The following SLCO1A2 variants were observed in gnomAD, a reference collection of about 807,000 sequenced individuals.
SLCO1A2 encodes the protein OATP-1.
A neutral mutation model predicts 69.0 loss-of-function variants in SLCO1A2; 67 were observed. That is an observed-to-expected ratio of 0.97 (90% CI 0.80 to 1.19). The LOEUF is 1.19. Ranked by LOEUF, SLCO1A2 falls within the 50% of genes most tolerant of loss-of-function variation. The pLI, the probability that SLCO1A2 is intolerant of heterozygous loss-of-function variation, is 0.00. For synonymous variants in SLCO1A2, 260 were observed against 265.9 expected (o/e 0.98, Z 0.22); for missense variants, 787 against 793.7 (o/e 0.99, Z 0.10).
At chr12:21,374,181 A>ATG (rs1940014057) in intron 2 of SLCO1A2, among the ~76,000 whole-genome samples, 1 of 152,212 alleles carries the variant, frequency 6.6e-6, no homozygotes, top group African/African-American at 2.4e-5. Context: ...AATTAAGGAC[A>ATG]TCTAACAACT....
chr12:21,332,927 T>C (rs1017380307), intron 2 of SLCO1A2, among the ~76,000 whole-genome samples: 3 of 152,076 alleles, frequency 2.0e-5, no homozygotes, highest in Non-Finnish European at 2.9e-5. Flanking sequence ...TTGTGAGACC[T>C]AAATAGAAAT....
At chr12:21,312,253 C>T (rs1216496861) in intron 4 of SLCO1A2, among the ~76,000 whole-genome samples, 1 of 152,216 alleles carries the variant, frequency 6.6e-6, no homozygotes, top group African/African-American at 2.4e-5. Context: ...AAGACAGCTT[C>T]TTTCCTTAAA....
chr12:21,278,469 G>A (rs1448451357), intron 12 of SLCO1A2, among the ~76,000 whole-genome samples: 1 of 152,132 alleles, frequency 6.6e-6, no homozygotes, highest in Non-Finnish European at 1.5e-5. Flanking sequence ...ATCTAACCCA[G>A]CACAGTCCCA....
chr12:21,326,613 A>G (rs969460977), intron 2 of SLCO1A2, among the ~76,000 whole-genome samples: 2 of 152,154 alleles, frequency 1.3e-5, no homozygotes, highest in African/African-American at 4.8e-5. Flanking sequence ...TGGGAACTGG[A>G]GCAAAGGTGA....
chr12:21,410,939 CTT>C (rs1441641411), intron 1 of SLCO1A2, among the ~76,000 whole-genome samples: 1 of 152,086 alleles, frequency 6.6e-6, no homozygotes, highest in Non-Finnish European at 1.5e-5. Context: ...TATTTGTCCT[CTT>C]TTTATTAACG....
chr12:21,282,783 T>G lies in SLCO1A2; in HGVS notation c.1611-7359A>C, dbSNP rs189571917. The stretch of plus-strand genomic sequence containing the variant: ...CAACATAAAAAATCAGTAGTGTTTG[T>G]ATATGCCAACAGCAAACAGTCTAAA... On this transcript the variant is annotated intron_variant, in intron 12 of 14. Coordinates refer to ENST00000683939, the MANE Select transcript of SLCO1A2 (RefSeq NM_001386879.1). 2.6e-5 allele frequency among the ~76,000 whole-genome samples: 4 copies of G among 152,216 alleles called. No individual in the cohort carries two copies. The East Asian group carries it at 7.7e-4, about 29-fold the overall frequency.
At chr12:21,417,811 G>GA (rs940385766) in intron 1 of SLCO1A2, 3 of 152,014 alleles carry the variant, frequency 2.0e-5, no homozygotes, top group Non-Finnish European at 4.4e-5. Flanking sequence ...GATCCCATTA[G>GA]AAAAATATAA....
intron 1 of SLCO1A2, among the ~76,000 whole-genome samples, chr12:21,405,038 G>A (rs190941656): frequency 2.7e-5 from 4 of 149,330 alleles, no homozygotes; most frequent in East Asian, 3.9e-4. Context: ...ATCTTCTTTC[G>A]AGAAGTGTCT....
rs770697230 is a variant in SLCO1A2, at chr12:21,304,625, G to A, written c.443-52C>T. 40 of 1,484,058 alleles carry A rather than the reference G, an allele frequency of 2.7e-5. No homozygotes were observed. In the Admixed American group the frequency reaches 7.5e-4, roughly 28 times the overall value. The allele number at this position is 1,484,058 out of a possible 1,614,324, so 91.9% of individuals were successfully genotyped here. ...TTAGTGCTTTGACGATAAAGTGTCAGTAATATTAATTCTATGTTTTCTGTA... is the reference window on the plus strand; with the variant it reads ...TTAGTGCTTTGACGATAAAGTGTCAATAATATTAATTCTATGTTTTCTGTA... On this transcript the variant is annotated intron_variant, in intron 5 of 14. Coordinates refer to ENST00000683939, the MANE Select transcript of SLCO1A2 (RefSeq NM_001386879.1).
chr12:21,324,575 A>G (rs1952057989), intron 2 of SLCO1A2: 1 of 152,234 alleles, frequency 6.6e-6, no homozygotes, highest in Non-Finnish European at 1.5e-5. Flanking sequence ...CTATATTGTC[A>G]TAAAACCAGA....
At chr12:21,298,647 T>C (rs1324636530) in intron 8 of SLCO1A2, among the ~76,000 whole-genome samples, 2 of 152,144 alleles carry the variant, frequency 1.3e-5, no homozygotes, top group Non-Finnish European at 2.9e-5. Flanking sequence ...TGAAGATTTT[T>C]AAGTCACCCA....
chr12:21,412,053 A>C (rs539264171), intron 1 of SLCO1A2, among the ~76,000 whole-genome samples: 27 of 152,294 alleles, frequency 1.8e-4, no homozygotes, highest in African/African-American at 6.0e-4. Context: ...AAAGTATTAT[A>C]ATGTTACCTA....
At chr12:21,311,064 T>C (rs1276304005) in intron 4 of SLCO1A2, among the ~76,000 whole-genome samples, 1 of 152,214 alleles carries the variant, frequency 6.6e-6, no homozygotes, top group African/African-American at 2.4e-5. Flanking sequence ...TCATCAGTAG[T>C]AGATTCCATC....
intron 6 of SLCO1A2, among the ~76,000 whole-genome samples, chr12:21,301,621 T>G (rs1948725277): frequency 6.6e-6 from 1 of 152,194 alleles, no homozygotes; most frequent in Admixed American, 6.5e-5. Context: ...AGGCATGTTT[T>G]GGGAGGAATT....
chr12:21,358,300 T>C (rs1211406512), intron 2 of SLCO1A2, among the ~76,000 whole-genome samples: 1 of 152,224 alleles, frequency 6.6e-6, no homozygotes, highest in East Asian at 1.9e-4. Context: ...AAAATAGTGT[T>C]CTTTAAGCAT....
At chr12:21,373,332 T>G (rs772913781) in intron 2 of SLCO1A2, 27 of 1,560,978 alleles carry the variant, frequency 1.7e-5, no homozygotes, top group Non-Finnish European at 2.2e-5. Flanking sequence ...GATTATTCTT[T>G]GCAGAAAATT....
chr12:21,373,827 T>C (rs1412668993), intron 2 of SLCO1A2: 3 of 556,534 alleles, frequency 5.4e-6, no homozygotes, highest in African/African-American at 1.9e-5. Context: ...TCTTTTTGTA[T>C]ATATTACTTA....
At chr12:21,307,078 A>G in intron 4 of SLCO1A2, 90 bp from the exon 5 acceptor site, 1 of 799,536 alleles carries the variant, frequency 1.3e-6, no homozygotes, top group Non-Finnish European at 2.0e-6. Flanking sequence ...TGCTTCCCAT[A>G]CAACACAATA....
chr12:21,289,500 G>T (rs1383504456), intron 12 of SLCO1A2, among the ~76,000 whole-genome samples: 2 of 152,058 alleles, frequency 1.3e-5, no homozygotes, highest in African/African-American at 4.8e-5. Flanking sequence ...TGGGATGTGT[G>T]TGCTGAAGAT....
Sources: allele counts gnomAD v4.1 joint callset (sites outside exome capture counted in the v4.1 genomes callset), GRCh38; gene constraint gnomAD v4.1.1; transcripts MANE v1.5; gene names NCBI Gene and HGNC (gene_info 2026-07-23, HGNC 2026-07-21).